The following SEMA5B variants were observed in gnomAD, a reference collection of about 807,000 sequenced individuals.
SEMA5B encodes semaphorin 5B, also known as semaphorin-5B.
Under a neutral mutation model 135.0 loss-of-function variants are expected in SEMA5B, and 66 were observed. That is an observed-to-expected ratio of 0.49 (90% CI 0.40 to 0.60). The LOEUF is 0.60. SEMA5B is among the 20% of genes least tolerant of loss of function. The pLI is 0.00. For missense variants in SEMA5B, 1,501 were observed against 1,566.3 expected (o/e 0.96, Z 0.70); for synonymous variants, 690 against 639.5 (o/e 1.08, Z -1.19).
At chr3:122,946,395 G>A (rs1939794392) in intron 3 of SEMA5B, among the ~76,000 whole-genome samples, 1 of 152,134 alleles carries the variant, frequency 6.6e-6, no homozygotes, top group Non-Finnish European at 1.5e-5. Flanking sequence ...AGGTGTCAGG[G>A]GAGAGGGAAA....
chr3:122,935,591 A>ATTCTGGGG (rs1057194309), intron 5 of SEMA5B, among the ~76,000 whole-genome samples: 1 of 150,976 alleles, frequency 6.6e-6, no homozygotes, highest in Non-Finnish European at 1.5e-5. Context: ...GGGACACCCA[A>ATTCTGGGG]TTCTGGGGCC....
intron 1 of SEMA5B, among the ~76,000 whole-genome samples, chr3:122,986,268 A>G (rs1342353320): frequency 6.6e-6 from 1 of 152,226 alleles, no homozygotes; most frequent in Non-Finnish European, 1.5e-5. Context: ...GTGCTTTGAT[A>G]ATGGGAAACT....
At chr3:122,988,892 G>T (rs1286177014) in intron 1 of SEMA5B, among the ~76,000 whole-genome samples, 1 of 152,236 alleles carries the variant, frequency 6.6e-6, no homozygotes, top group Non-Finnish European at 1.5e-5. Context: ...GTAAAAGTTG[G>T]ATAAAGAAAT....
At chr3:122,981,017 G>A (rs569739769) in intron 1 of SEMA5B, among the ~76,000 whole-genome samples, 6 of 152,224 alleles carry the variant, frequency 3.9e-5, no homozygotes, top group Non-Finnish European at 8.8e-5. Context: ...CACGTCACCA[G>A]GTAGCACTTC....
intron 14 of SEMA5B, among the ~76,000 whole-genome samples, 166 bp from the exon 15 acceptor site, chr3:122,914,167 C>T (rs1576329034): frequency 6.6e-6 from 1 of 152,248 alleles, no homozygotes; most frequent in African/African-American, 2.4e-5. Context: ...CTCGCTCATC[C>T]ATCCGTTCAT....
Position 122,913,238 on chromosome 3 carries a change from T to C in SEMA5B, c.2467A>G (p.Thr823Ala). The C allele has an allele frequency of 6.3e-7, 1 of 1,585,474 alleles. No homozygotes were observed. The highest frequency in any genetic ancestry group is 2.3e-5 in the East Asian group (1 of 44,078). The part of the protein sequence containing the change: ...QFGRRRTETR[T>A]CPADGSGSCD... ...GAGCCGGAGCCGTCCGCGGGACAGG[T>C]CCTCGTCTCGGTCCTTCTCCTGCCG... The change falls in exon 17 of 23, where the codon ACC (threonine) becomes GCC (alanine). Residue 823 changes from threonine (T) to alanine (A), a missense_variant. This residue lies in a region of SEMA5B where 927 missense variants were observed against 881.6 expected (regional missense o/e 1.05). Coordinates refer to ENST00000357599, the MANE Select transcript of SEMA5B (RefSeq NM_001031702.4).
rs779475602 is a variant in SEMA5B at position 122,910,246 on chromosome 3, T to C, written c.3353A>G (p.Gln1118Arg). 4 of 1,614,070 alleles carry C rather than the reference T, an allele frequency of 2.5e-6. No individual in the cohort carries two copies. Among genetic ancestry groups the C allele is most frequent in the Non-Finnish European group, 3.4e-6 (4 of 1,180,012 alleles). The part of the protein sequence containing the change: ...PDDRANFYPL[Q>R]QTNVYTTTYY... ...AGTAGTCGTGTACACATTGGTCTGC[T>C]GCAATGGGTAGAAGTTGGCTCTGTC... The change falls in exon 23 of 23, where the codon CAG becomes CGG. Residue 1118 changes from glutamine to arginine, a missense_variant. Transcript: ENST00000357599.
chr3:122,954,833 G>A (rs1221364436), intron 2 of SEMA5B, among the ~76,000 whole-genome samples: 5 of 139,792 alleles, frequency 3.6e-5, no homozygotes, highest in African/African-American at 1.1e-4. Flanking sequence ...TCACTTTGCC[G>A]CCTAGGCTGG....
chr3:122,953,367 C>T (rs141327503), intron 2 of SEMA5B, among the ~76,000 whole-genome samples: 5 of 152,304 alleles, frequency 3.3e-5, no homozygotes, highest in Non-Finnish European at 7.4e-5. Flanking sequence ...ATATCCTGGG[C>T]CTCTTCTCCT....
rs764859722 is a variant in SEMA5B, at chr3:122,915,578, G to C, written c.1850C>G (p.Pro617Arg). 1.5e-5 allele frequency: 24 copies of C among 1,613,938 alleles called. No individual in the cohort carries two copies. The highest frequency in any genetic ancestry group is 1.9e-5 in the Non-Finnish European group (23 of 1,179,914). ...ATCCAAGTGCTCACATGGTTGCCATGGTGACCATGGGCCGAAGCCCCCATC... is the reference window on the plus strand; with the variant it reads ...ATCCAAGTGCTCACATGGTTGCCATCGTGACCATGGGCCGAAGCCCCCATC... ...TRDGGFGPWS[P>R]WQPCEHLDGD... Residue 617 changes from proline (P) to arginine (R), a missense_variant, in exon 14 of 23, where the codon CCA becomes CGA. Transcript: ENST00000357599.
intron 1 of SEMA5B, among the ~76,000 whole-genome samples, chr3:123,010,932 A>G (rs9821665): frequency 0.27 from 41,799 of 152,096 alleles, 11,132 homozygotes; most frequent in African/African-American, 0.7. Context: ...GGTGTGAATC[A>G]GGCTGAACAT....
At chr3:122,911,610 C>G in intron 20 of SEMA5B, 75 bp from the exon 21 acceptor site, 1 of 1,453,224 alleles carries the variant, frequency 6.9e-7, no homozygotes, top group Non-Finnish European at 9.4e-7. Context: ...AGGCGTAAGC[C>G]TGGGAGGACC....
chr3:122,926,618 T>C lies in SEMA5B; in HGVS notation c.910A>G (p.Asn304Asp). 6.2e-7 allele frequency: 1 copy of C among 1,614,132 alleles called. No individual in the cohort carries two copies. The highest frequency in any genetic ancestry group is 8.5e-7 in the Non-Finnish European group (1 of 1,180,026). The change falls in exon 9 of 23, where the codon AAC (asparagine) becomes GAC (aspartate). Residue 304 changes from asparagine (N) to aspartate (D), a missense_variant. Asn to Asp is a conservative substitution (Grantham distance 23). This residue lies in a region of SEMA5B where 574 missense variants were observed against 684.7 expected (regional missense o/e 0.84). Coordinates refer to ENST00000357599, the MANE Select transcript of SEMA5B (RefSeq NM_001031702.4). ...CGTCCACAGTCGTGCTCCACTGCGT[T>C]CTCCCGCAGGAAGAAGTATGCAAAC... is the stretch of plus-strand genomic sequence containing the variant. Reference protein sequence around the residue: ...GLFAYFFLRENAVEHDCGRTV... With the variant: ...GLFAYFFLREDAVEHDCGRTV...
At chr3:123,022,324 T>C (rs2098630478) in intron 1 of SEMA5B, among the ~76,000 whole-genome samples, 1 of 152,204 alleles carries the variant, frequency 6.6e-6, no homozygotes, top group South Asian at 2.1e-4. Context: ...AGGACATTTC[T>C]GGTTCAAATG....
Position 122,923,726 on chromosome 3 carries a change from C to A in SEMA5B, c.1163G>T (p.Cys388Phe). The A allele has an allele frequency of 6.2e-7, 1 of 1,614,122 alleles. No homozygotes were observed. Among genetic ancestry groups the A allele is most frequent in the Non-Finnish European group, 8.5e-7 (1 of 1,180,000 alleles). Reference sequence around the variant, plus strand: ...GGAGATAGCACTGAGGTTGAAGGCGCAGACAGCAGAAGCCGCGATGCTGTT... The same window carrying A: ...GGAGATAGCACTGAGGTTGAAGGCGAAGACAGCAGAAGCCGCGATGCTGTT... ...NVNSIAASAV[C>F]AFNLSAISQA... is the part of the protein sequence containing the mutation. Residue 388 changes from cysteine to phenylalanine, a missense_variant, in exon 10 of 23, where the codon TGC (cysteine) becomes TTC (phenylalanine). Cys to Phe is a radical substitution (Grantham distance 205). This residue lies in a region of SEMA5B where 574 missense variants were observed against 684.7 expected (regional missense o/e 0.84). Transcript: ENST00000357599.
intron 1 of SEMA5B, among the ~76,000 whole-genome samples, chr3:122,967,895 T>C (rs1047935328): frequency 2.6e-5 from 4 of 152,184 alleles, no homozygotes; most frequent in East Asian, 1.9e-4. Flanking sequence ...CTCTGCAGAC[T>C]TCTCTTTTGG....
intron 12 of SEMA5B, among the ~76,000 whole-genome samples, chr3:122,920,370 G>C (rs1378409046): frequency 6.6e-6 from 1 of 152,190 alleles, no homozygotes; most frequent in Non-Finnish European, 1.5e-5. Flanking sequence ...CTGAGACACT[G>C]GGTTTGCCTT....
intron 1 of SEMA5B, among the ~76,000 whole-genome samples, chr3:122,961,752 C>T (rs1269418990): frequency 3.9e-5 from 6 of 152,146 alleles, no homozygotes; most frequent in Non-Finnish European, 8.8e-5. Context: ...TACAAAGAGA[C>T]TACAAGCGTG....
In SEMA5B at chr3:122,909,990, G is replaced by C; in HGVS notation, c.*153C>G. 1 of 760,598 alleles carries C rather than the reference G, an allele frequency of 1.3e-6. No homozygotes were observed. The highest frequency in any genetic ancestry group is 1.9e-5 in the South Asian group (1 of 52,686). The allele number at this position is 760,598 out of a possible 1,614,324, so 47.1% of individuals were successfully genotyped here. ...TTTCCCCCATGGTCAATGCCAGCCA[G>C]AGCTCTCTGAAGCCGGATGGGACCC... is the stretch of plus-strand genomic sequence containing the variant. On this transcript the variant is annotated 3_prime_UTR_variant, in exon 23 of 23. Transcript: ENST00000357599.
Sources: gnomAD v4.1 joint callset for allele counts (sites outside exome capture counted in the v4.1 genomes callset) on GRCh38, gnomAD v4.1.1 for gene constraint, gnomAD v4.1.1 regional missense constraint, MANE v1.5 for transcripts, NCBI Gene and HGNC (gene_info 2026-07-23, HGNC 2026-07-21) for gene names.